Variants in KLHL6 observed in about 807,000 individuals in gnomAD.
The protein encoded by KLHL6 is kelch like family member 6.
Under a neutral mutation model 58.6 loss-of-function variants are expected in KLHL6, and 41 were observed. That is an observed-to-expected ratio of 0.70 (90% CI 0.55 to 0.91). KLHL6 has a LOEUF of 0.91. KLHL6 is among the 40% of genes least tolerant of loss of function. KLHL6 has a pLI of 0.00. For missense variants in KLHL6, 714 were observed against 805.6 expected, an observed-to-expected ratio of 0.89 and a Z score of 1.38; for synonymous variants, 338 against 322.7, an observed-to-expected ratio of 1.05 and a Z score of -0.51.
chr3:183,529,235 A>G (rs1375462372), intron 1 of KLHL6, among the ~76,000 whole-genome samples: 1 of 152,212 alleles, frequency 6.6e-6, no homozygotes. Flanking sequence ...TAATCTGTAC[A>G]ACAACTCCCC....
chr3:183,536,895 G>A lies in KLHL6; in HGVS notation c.294-8885C>T, dbSNP rs532628728. ...CAAGCATAGGGCCAGCGCTGTGCAC[G>A]AATCGGCCTAAACATCTCAGCTCAG... On this transcript the variant is annotated intron_variant, in intron 1 of 6. Transcript: ENST00000341319. Among the ~76,000 whole-genome samples the A allele has an allele frequency of 7.2e-5, 11 of 152,298 alleles. No homozygotes were observed. The South Asian group carries it at 1.9e-3, about 26-fold the overall frequency.
chr3:183,489,570 G>A lies in KLHL6; in HGVS notation c.*2357C>T, dbSNP rs1717487541. On this transcript the variant is annotated 3_prime_UTR_variant, in exon 7 of 7. Coordinates refer to ENST00000341319, the MANE Select transcript of KLHL6 (RefSeq NM_130446.4). ...GACAGACATGAAGAACTCCATGAATGTTTGCTGAATTGAACTAGATTACAC... is the reference window on the plus strand; with the variant it reads ...GACAGACATGAAGAACTCCATGAATATTTGCTGAATTGAACTAGATTACAC... 6.6e-6 allele frequency: 1 copy of A among 152,256 alleles called. No homozygotes were observed. Among genetic ancestry groups the A allele is most frequent in the African/African-American group, 2.4e-5 (1 of 41,472 alleles). The allele number at this position is 152,256 out of a possible 1,614,324, so 9.4% of individuals were successfully genotyped here. A position where few individuals can be genotyped will look rare whatever the true frequency, so the allele number is the denominator to read the frequency against.
At chr3:183,502,011 T>C (rs182570955) in intron 3 of KLHL6, among the ~76,000 whole-genome samples, 90 of 152,192 alleles carry the variant, frequency 5.9e-4, no homozygotes, top group African/African-American at 2.1e-3. Context: ...GCGAGTGAGC[T>C]GGGTGCAGTG....
chr3:183,533,924 G>A (rs893768298), intron 1 of KLHL6, among the ~76,000 whole-genome samples: 3 of 151,586 alleles, frequency 2.0e-5, no homozygotes, highest in Middle Eastern at 3.4e-3. Context: ...GGTGAATTCC[G>A]GGGCCTCTGT....
chr3:183,525,269 A>ACACACACACACACACAC lies in KLHL6; in HGVS notation c.459+2575_459+2576insGTGTGTGTGTGTGTGTG, dbSNP rs1553811031. Among the ~76,000 whole-genome samples, 499 of 133,834 alleles carry ACACACACACACACACAC rather than the reference A, an allele frequency of 3.7e-3. 5 individuals are homozygous for ACACACACACACACACAC. Among genetic ancestry groups the ACACACACACACACACAC allele is most frequent in the African/African-American group, 0.013 (466 of 36,324 alleles). The allele number at this position is 133,834 out of a possible 152,430, so 87.8% of individuals were successfully genotyped here. ...ACAGAGTGAGACTCTCTAAAAAAAA[A>ACACACACACACACACAC]ACACACACACACACACACACACACA... On this transcript the variant is annotated intron_variant, in intron 2 of 6. Coordinates refer to ENST00000341319, the MANE Select transcript of KLHL6 (RefSeq NM_130446.4).
chr3:183,494,187 A>G lies in KLHL6; in HGVS notation c.1242T>C (p.His414=), dbSNP rs759821707. The G allele has an allele frequency of 1.9e-6, 3 of 1,614,096 alleles. No homozygotes were observed. In the South Asian group the frequency reaches 3.3e-5, roughly 18 times the overall value. ...IEYLNIGRWR[H]KMVVLGGKVY... ...CCTTGCCACCCAACACCACCATCTT[A>G]TGCCTCCAGCGGCCTATGTTTAAAT... Residue 414 remains histidine, a synonymous_variant, in exon 5 of 7, where the codon CAT becomes CAC. Transcript: ENST00000341319.
chr3:183,494,401 A>G lies in KLHL6; in HGVS notation c.1148-120T>C, dbSNP rs1010609229. 1.7e-4 allele frequency: 132 copies of G among 763,092 alleles called. 2 individuals carry two copies. Among genetic ancestry groups the G allele is most frequent in the Middle Eastern group, 7.1e-4 (2 of 2,832 alleles). The allele number at this position is 763,092 out of a possible 1,614,324, so 47.3% of individuals were successfully genotyped here. A position where few individuals can be genotyped will look rare whatever the true frequency, so the allele number is the denominator to read the frequency against. On this transcript the variant is annotated intron_variant, in intron 4 of 6. Coordinates refer to ENST00000341319, the MANE Select transcript of KLHL6 (RefSeq NM_130446.4). Reference sequence around the variant, plus strand: ...CAGGCCAGCCCTACCCTGAGGGGAGATACAAGAAACCCAGCAGGTGTGTGA... The same window carrying G: ...CAGGCCAGCCCTACCCTGAGGGGAGGTACAAGAAACCCAGCAGGTGTGTGA...
intron 1 of KLHL6, among the ~76,000 whole-genome samples, chr3:183,531,441 G>GTATTTTTTTTTTT (rs1367673441): frequency 2.9e-5 from 3 of 102,100 alleles, no homozygotes; most frequent in Admixed American, 9.5e-5. Context: ...TTTTTTGTCT[G>GTATTTTTTTTTTT]TGTTTTTTTT....
At chr3:183,507,998 G>T in intron 3 of KLHL6, 61 bp downstream of exon 3, 1 of 1,448,734 alleles carries the variant, frequency 6.9e-7, no homozygotes, top group Non-Finnish European at 9.5e-7. Context: ...GCATCTCTGT[G>T]AGCCCCTAGC....
chr3:183,517,751 A>T (rs1018221319), intron 2 of KLHL6, among the ~76,000 whole-genome samples: 1 of 152,194 alleles, frequency 6.6e-6, no homozygotes, highest in Non-Finnish European at 1.5e-5. Flanking sequence ...CCACATATTC[A>T]AGGGGCAAGT....
At chr3:183,523,190 G>A (rs1204933260) in intron 2 of KLHL6, 1 of 152,192 alleles carries the variant, frequency 6.6e-6, no homozygotes, top group African/African-American at 2.4e-5. Flanking sequence ...ACATATTCAT[G>A]TATTCCACCA....
rs965657387 is a variant in KLHL6, at chr3:183,492,554, T to C, written c.1504A>G (p.Met502Val). Residue 502 changes from methionine to valine, a missense_variant, in exon 6 of 7, where the codon ATG (methionine) becomes GTG (valine). Physicochemically the swap from Met to Val is conservative, Grantham distance 21. Around this residue, in one of 2 missense-constraint regions of KLHL6, gnomAD observed 510 missense variants for 629.7 expected, o/e 0.81. Transcript: ENST00000341319. This position sits in a 1 kb window ranked among gnomAD's most constrained non-coding sequence, Gnocchi z 5.9. The stretch of plus-strand genomic sequence containing the variant: ...TTGATGCATTTAGCCTCCACGGGCA[T>C]GGCCGCCTTCAAACTCCACTTGTTG... ...STNKWSLKAA[M>V]PVEAKCINAV... 1.2e-6 allele frequency: 2 copies of C among 1,614,250 alleles called. No individual in the cohort carries two copies. The highest frequency in any genetic ancestry group is 1.7e-6 in the Non-Finnish European group (2 of 1,180,036).
rs1416501723 is a variant in KLHL6 at position 183,555,616 on chromosome 3, C to T, written c.38G>A (p.Gly13Asp). 3 of 1,610,370 alleles carry T rather than the reference C, an allele frequency of 1.9e-6. No individual in the cohort carries two copies. The highest frequency in any genetic ancestry group is 1.3e-5 in the African/African-American group (1 of 74,590). The change falls in exon 1 of 7, where the codon GGT (glycine) becomes GAT (aspartate). Residue 13 changes from glycine to aspartate, a missense_variant. Physicochemically the swap from Gly to Asp is moderately conservative, Grantham distance 94. This residue lies in a region of KLHL6 where 204 missense variants were observed against 175.9 expected (regional missense o/e 1.16). Transcript: ENST00000341319. ...MAGQRGAWTM[G>D]DVVEKSLEGP... is the part of the protein sequence containing the mutation. ...TTCCAAACTCTTCTCGACCACATCA[C>T]CCATGGTCCAGGCGCCCCTTTGTCC...
chr3:183,507,723 C>G (rs966869697), intron 3 of KLHL6, among the ~76,000 whole-genome samples: 1 of 152,132 alleles, frequency 6.6e-6, no homozygotes, highest in Admixed American at 6.5e-5. Flanking sequence ...TGTGAGCCAC[C>G]AGGCCCGGCC....
At chr3:183,539,610 G>A (rs746325824) in intron 1 of KLHL6, among the ~76,000 whole-genome samples, 10 of 151,900 alleles carry the variant, frequency 6.6e-5, no homozygotes, top group Non-Finnish European at 1.2e-4. Flanking sequence ...TCGGGAGGCT[G>A]AGGCAGGAGA....
At chr3:183,526,893 G>A (rs1711990347) in intron 2 of KLHL6, among the ~76,000 whole-genome samples, 1 of 152,182 alleles carries the variant, frequency 6.6e-6, no homozygotes, top group Admixed American at 6.5e-5. Context: ...GAGGTCAGGA[G>A]TTCAAGAACA....
chr3:183,554,929 C>T (rs945148871), intron 1 of KLHL6, among the ~76,000 whole-genome samples: 1 of 152,124 alleles, frequency 6.6e-6, no homozygotes, highest in Non-Finnish European at 1.5e-5. Context: ...CTTTGGGAGG[C>T]GGAGGCGGGT....
chr3:183,554,582 T>C (rs1479094222), intron 1 of KLHL6, among the ~76,000 whole-genome samples: 1 of 152,188 alleles, frequency 6.6e-6, no homozygotes, highest in Non-Finnish European at 1.5e-5. Context: ...TTGTAACTGC[T>C]TTCCCTTTCC....
At chr3:183,529,551 TG>T (rs1486912677) in intron 1 of KLHL6, among the ~76,000 whole-genome samples, 2 of 151,744 alleles carry the variant, frequency 1.3e-5, no homozygotes, top group Non-Finnish European at 2.9e-5. Context: ...TAAAAGTAGG[TG>T]GGGGACCGGG....
Sources: allele counts gnomAD v4.1 joint callset (sites outside exome capture counted in the v4.1 genomes callset), GRCh38; gene constraint gnomAD v4.1.1; regional missense constraint gnomAD v4.1.1; non-coding constraint Gnocchi (gnomAD v3.1); transcripts MANE v1.5; gene names NCBI Gene and HGNC (gene_info 2026-07-23, HGNC 2026-07-21).